PAK3: variants seen among roughly 807,000 people sequenced by gnomAD.
The protein encoded by PAK3 is serine/threonine-protein kinase PAK 3.
A neutral mutation model predicts 41.0 loss-of-function variants in PAK3; 4 were observed. The ratio of observed to expected loss-of-function variants is 0.10; its 90% CI spans 0.05 to 0.22. The LOEUF (loss-of-function observed/expected upper bound fraction) is 0.22, where lower values mean the gene tolerates loss of function less well. Ranked by LOEUF, PAK3 falls within the 10% of genes least tolerant of loss-of-function variation. PAK3 has a pLI of 1.00. For missense variants in PAK3, 205 were observed against 409.9 expected (o/e 0.50, Z 4.32); for synonymous variants, 146 against 139.6 (o/e 1.05, Z -0.32).
chrX:111,217,705 T>C, intron 17 of PAK3: 9 of 604,356 alleles, frequency 1.5e-5, no homozygotes, highest in Non-Finnish European at 1.8e-5. Flanking sequence ...ATGTCAAATC[T>C]GGAATGGCCC....
At chrX:110,967,233 C>T (rs2091099533) in intron 1 of PAK3, among the ~76,000 whole-genome samples, 1 of 112,847 alleles carries the variant, frequency 8.9e-6, no homozygotes, top group South Asian at 3.7e-4. Context: ...GCCAAGGGGA[C>T]AAAAGCAAAC....
intron 3 of PAK3, among the ~76,000 whole-genome samples, 172 bp downstream of exon 3, chrX:111,097,856 G>A (rs908796742): frequency 9.0e-6 from 1 of 111,048 alleles, no homozygotes; most frequent in Non-Finnish European, 1.9e-5. Context: ...CTCTGTTTCT[G>A]GATACAAGTG....
At chrX:111,163,348 T>A (rs2094213512) in intron 9 of PAK3, among the ~76,000 whole-genome samples, 1 of 110,750 alleles carries the variant, frequency 9.0e-6, no homozygotes, top group South Asian at 3.8e-4. Flanking sequence ...TAAACAGAGA[T>A]CCTCAGACCA....
intron 8 of PAK3, among the ~76,000 whole-genome samples, chrX:111,161,016 T>C (rs967189419): frequency 9.0e-6 from 1 of 111,477 alleles, no homozygotes; most frequent in Non-Finnish European, 1.9e-5. Context: ...GTATTTCTAG[T>C]TCTAGATCCC....
chrX:111,218,169 G>C (rs1267593008), intron 17 of PAK3, among the ~76,000 whole-genome samples: 1 of 111,927 alleles, frequency 8.9e-6, no homozygotes, highest in Non-Finnish European at 1.9e-5. Flanking sequence ...CACCCCACTG[G>C]AAGGCTGGAG....
At chrX:111,043,026 C>T (rs1416416928) in intron 1 of PAK3, among the ~76,000 whole-genome samples, 1 of 111,464 alleles carries the variant, frequency 9.0e-6, no homozygotes, top group African/African-American at 3.3e-5. Context: ...TGGTGGCTCA[C>T]GCCTGTAATC....
At chrX:111,164,028 T>C (rs747907972) in intron 10 of PAK3, among the ~76,000 whole-genome samples, 5 of 112,362 alleles carry the variant, frequency 4.4e-5, no homozygotes, top group Non-Finnish European at 9.4e-5. Context: ...TGATAAAATA[T>C]GTTATGATCA....
At chrX:111,040,395 A>C (rs186216262) in intron 1 of PAK3, among the ~76,000 whole-genome samples, 1 of 112,430 alleles carries the variant, frequency 8.9e-6, no homozygotes, top group African/African-American at 3.2e-5. Flanking sequence ...TAATGCATCA[A>C]TTACTGGAAA....
intron 1 of PAK3, among the ~76,000 whole-genome samples, chrX:111,020,820 G>A (rs987075760): frequency 9.0e-6 from 1 of 111,285 alleles, no homozygotes; most frequent in East Asian, 2.8e-4. Context: ...GGGTATGGTG[G>A]AAGTGAGACC....
chrX:110,974,120 CT>C (rs2091274796), intron 1 of PAK3, among the ~76,000 whole-genome samples: 1 of 111,309 alleles, frequency 9.0e-6, no homozygotes, highest in East Asian at 2.8e-4. Flanking sequence ...TAATGGGAGA[CT>C]TTAACACCCC....
intron 1 of PAK3, among the ~76,000 whole-genome samples, chrX:111,089,501 C>A (rs1465436165): frequency 2.7e-5 from 3 of 111,623 alleles, no homozygotes; most frequent in Admixed American, 1.9e-4. Flanking sequence ...AGGTACAGAT[C>A]CCTTTGGGAT....
chrX:111,061,715 G>A (rs971746061), intron 1 of PAK3, among the ~76,000 whole-genome samples: 1 of 111,046 alleles, frequency 9.0e-6, no homozygotes, highest in African/African-American at 3.3e-5. Context: ...GAGCTTTTTT[G>A]CTGTTATAAA....
chrX:110,999,344 A>G (rs1602712277), intron 1 of PAK3, among the ~76,000 whole-genome samples: 1 of 111,914 alleles, frequency 8.9e-6, no homozygotes, highest in Admixed American at 9.5e-5. Flanking sequence ...TGCATTGCAC[A>G]ATCCCCACAA....
At position 110,982,044 on chromosome X, in the gene PAK3, T is replaced by A. The variant is rs1033402319; in HGVS notation, c.-28+37416T>A. ...GAGCTGGGTGGGAGAAAAAAAATGA[T>A]GTTTTAGAAATTCTGAGCTTGAGTG... On this transcript the variant is annotated intron_variant, in intron 1 of 14. Transcript: ENST00000425146. Among the ~76,000 whole-genome samples, 3 of 110,629 alleles carry A rather than the reference T, an allele frequency of 2.7e-5. No homozygotes were observed. In the Admixed American group the frequency reaches 2.9e-4, roughly 11 times the overall value.
chrX:110,999,629 A>G (rs1028243145), intron 1 of PAK3, among the ~76,000 whole-genome samples: 2 of 104,038 alleles, frequency 1.9e-5, no homozygotes, highest in Non-Finnish European at 3.9e-5. Context: ...ATTGGGTTTT[A>G]TTGGGGGAGT....
chrX:111,181,850 C>T (rs1385740770), intron 11 of PAK3, among the ~76,000 whole-genome samples: 3 of 109,528 alleles, frequency 2.7e-5, no homozygotes, highest in East Asian at 5.8e-4. Flanking sequence ...GCTTCTTCAT[C>T]GGATCTATTT....
At chrX:110,969,140 G>A (rs753684449) in intron 1 of PAK3, among the ~76,000 whole-genome samples, 1 of 81,153 alleles carries the variant, frequency 1.2e-5, no homozygotes, top group Non-Finnish European at 2.3e-5. Flanking sequence ...TAGAGACAGG[G>A]TTTCACAATG....
chrX:111,020,681 T>A (rs2092164541), intron 1 of PAK3, among the ~76,000 whole-genome samples: 1 of 111,886 alleles, frequency 8.9e-6, no homozygotes, highest in African/African-American at 3.2e-5. Flanking sequence ...GGATCACCAC[T>A]GCAGGTTCCC....
intron 1 of PAK3, among the ~76,000 whole-genome samples, chrX:110,971,998 C>A (rs1413708186): frequency 9.0e-6 from 1 of 110,785 alleles, no homozygotes; most frequent in Admixed American, 9.6e-5. Context: ...TGTGAGAGTT[C>A]ATTTCTAGAC....
Sources: gnomAD v4.1 joint callset for allele counts (sites outside exome capture counted in the v4.1 genomes callset) on GRCh38, gnomAD v4.1.1 for gene constraint, MANE v1.5 for transcripts, NCBI Gene and HGNC (gene_info 2026-07-23, HGNC 2026-07-21) for gene names.